Variants in NNT observed in about 807,000 individuals in gnomAD.
NNT encodes NAD(P) transhydrogenase, mitochondrial.
NNT carries 50 observed loss-of-function variants against 104.8 expected under a neutral mutation model. The observed-to-expected ratio is 0.48, with a 90% CI of 0.38 to 0.60. The LOEUF (loss-of-function observed/expected upper bound fraction) is 0.60, where lower values mean the gene tolerates loss of function less well. NNT is among the 20% of genes least tolerant of loss of function. The pLI, the probability that NNT is intolerant of heterozygous loss-of-function variation, is 0.00. For missense variants in NNT, 1,131 were observed against 1,330.7 expected, an observed-to-expected ratio of 0.85 and a Z score of 2.33; for synonymous variants, 461 against 490.4, an observed-to-expected ratio of 0.94 and a Z score of 0.79.
chr5:43,614,890 C>A (rs1005825703), intron 3 of NNT, among the ~76,000 whole-genome samples: 1 of 152,272 alleles, frequency 6.6e-6, no homozygotes, highest in Middle Eastern at 3.4e-3. Flanking sequence ...GTAATCCCAG[C>A]ACTTTGGGAG....
intron 10 of NNT, chr5:43,648,066 C>A: frequency 8.0e-7 from 1 of 1,243,060 alleles, no homozygotes; most frequent in South Asian, 1.3e-5. Flanking sequence ...TATTCTTATT[C>A]ACAACCCTAT....
At chr5:43,625,913 T>C (rs1367109276) in intron 6 of NNT, among the ~76,000 whole-genome samples, 1 of 152,152 alleles carries the variant, frequency 6.6e-6, no homozygotes, top group African/African-American at 2.4e-5. Flanking sequence ...AAAATGTAAT[T>C]TTACTGTTCC....
intron 17 of NNT, among the ~76,000 whole-genome samples, chr5:43,671,166 C>T (rs1000289381): frequency 6.6e-6 from 1 of 152,124 alleles, no homozygotes; most frequent in Non-Finnish European, 1.5e-5. Flanking sequence ...TTATTTTGAG[C>T]CTATGCGTGT....
Position 43,702,645 on chromosome 5 carries a change from GAGCTAATGACACTGTTAATTC to G in NNT, c.3024_3044del (p.Asn1009_Ala1015del). ...GATACTGATTTGGTCCTTGTAATTG[GAGCTAATGACACTGTTAATTC>G]AGCAGCTCAAGAAGATCCCAACTCT... is the stretch of plus-strand genomic sequence containing the variant. On this transcript the variant is annotated inframe_deletion, in exon 21 of 22. Coordinates refer to ENST00000344920, the MANE Select transcript of NNT (RefSeq NM_182977.3). 6.2e-7 allele frequency: 1 copy of G among 1,610,994 alleles called. No homozygotes were observed. Among genetic ancestry groups the G allele is most frequent in the Non-Finnish European group, 8.5e-7 (1 of 1,178,308 alleles).
At chr5:43,693,000 A>G (rs563360367) in intron 19 of NNT, among the ~76,000 whole-genome samples, 1 of 152,060 alleles carries the variant, frequency 6.6e-6, no homozygotes, top group Non-Finnish European at 1.5e-5. Context: ...TCCTCTTTTT[A>G]AAAAAATTTG....
chr5:43,667,228 G>T, intron 17 of NNT: 5 of 1,055,082 alleles, frequency 4.7e-6, no homozygotes, highest in Non-Finnish European at 7.3e-6. Flanking sequence ...CTTGGACTTG[G>T]CCATGTCTGC....
intron 16 of NNT, 61 bp from the exon 17 acceptor site, chr5:43,659,110 A>G: frequency 6.9e-7 from 1 of 1,452,780 alleles, no homozygotes; most frequent in Non-Finnish European, 9.2e-7. Context: ...CAAAATGTTA[A>G]ATGTCAGAGG....
At chr5:43,685,255 C>A (rs2112155121) in intron 19 of NNT, among the ~76,000 whole-genome samples, 1 of 152,184 alleles carries the variant, frequency 6.6e-6, no homozygotes, top group African/African-American at 2.4e-5. Flanking sequence ...AATTTGTCAA[C>A]CTCCTAGAAG....
At chr5:43,667,583 C>G (rs999803874) in intron 17 of NNT, among the ~76,000 whole-genome samples, 1 of 152,206 alleles carries the variant, frequency 6.6e-6, no homozygotes, top group Non-Finnish European at 1.5e-5. Flanking sequence ...CATGTCCCTA[C>G]AAAGGACATG....
intron 1 of NNT, among the ~76,000 whole-genome samples, chr5:43,605,852 A>G (rs564374599): frequency 6.5e-4 from 99 of 152,312 alleles, no homozygotes; most frequent in African/African-American, 2.3e-3. Context: ...GAAATTTTTC[A>G]CAGAAATGGG....
At chr5:43,677,533 C>G (rs1349016393) in intron 18 of NNT, among the ~76,000 whole-genome samples, 192 bp from the exon 19 acceptor site, 1 of 152,022 alleles carries the variant, frequency 6.6e-6, no homozygotes, top group Non-Finnish European at 1.5e-5. Context: ...GAGGAGCAAT[C>G]ATTACATTTT....
chr5:43,652,843 A>G (rs1356604948), intron 13 of NNT, among the ~76,000 whole-genome samples, 175 bp from the exon 14 acceptor site: 1 of 152,194 alleles, frequency 6.6e-6, no homozygotes, highest in African/African-American at 2.4e-5. Context: ...TTTTATGTGT[A>G]TTTGTGCATG....
At chr5:43,696,932 G>A (rs1298729509) in intron 19 of NNT, among the ~76,000 whole-genome samples, 6 of 152,180 alleles carry the variant, frequency 3.9e-5, no homozygotes, top group African/African-American at 1.4e-4. Context: ...AAACTTCTGG[G>A]CCTATAATGG....
intron 7 of NNT, among the ~76,000 whole-genome samples, chr5:43,643,779 C>T (rs1751357941): frequency 6.6e-6 from 1 of 152,202 alleles, no homozygotes; most frequent in Non-Finnish European, 1.5e-5. Context: ...ATTAACTGTA[C>T]TCTTGACATT....
chr5:43,671,153 C>T (rs13153774), intron 17 of NNT, among the ~76,000 whole-genome samples: 7,696 of 152,184 alleles, frequency 0.051, 286 homozygotes, highest in Non-Finnish European at 0.081. Flanking sequence ...TTCCTCCATC[C>T]CTTTATTTTG....
intron 17 of NNT, among the ~76,000 whole-genome samples, chr5:43,660,150 T>G (rs1740280057): frequency 6.6e-6 from 1 of 152,244 alleles, no homozygotes; most frequent in Non-Finnish European, 1.5e-5. Flanking sequence ...TCTTTGTACA[T>G]ATCTTTGACA....
rs928986084 is a variant in NNT at position 43,615,857 on chromosome 5, C to T, written c.391C>T (p.Pro131Ser). The stretch of plus-strand genomic sequence containing the variant: ...TTGATTTTTTCCCCAGGTGCGAGCC[C>T]CTATGGTTAATCCAACATTAGGTGT... ...ASDLVVKVRA[P>S]MVNPTLGVHE... Residue 131 changes from proline (P) to serine (S), a missense_variant, in exon 4 of 22, where the codon CCT (proline) becomes TCT (serine). Pro to Ser is a moderately conservative substitution (Grantham distance 74). Transcript: ENST00000344920. 8.1e-6 allele frequency: 13 copies of T among 1,612,974 alleles called. No individual in the cohort carries two copies. Among genetic ancestry groups the T allele is most frequent in the African/African-American group, 1.3e-5 (1 of 74,792 alleles).
At chr5:43,609,379 C>T in intron 2 of NNT, 33 bp downstream of exon 2, 1 of 1,606,380 alleles carries the variant, frequency 6.2e-7, no homozygotes, top group Non-Finnish European at 8.5e-7. Context: ...GTAAATGAAA[C>T]CTTCAAGTCA....
At chr5:43,610,201 CTTT>C (rs3054076) in intron 2 of NNT, among the ~76,000 whole-genome samples, 145 of 126,104 alleles carry the variant, frequency 1.1e-3, no homozygotes, top group South Asian at 1.4e-3. Context: ...AACTGTCTGT[CTTT>C]TTTTTTTTTT....
Sources: allele counts gnomAD v4.1 joint callset (sites outside exome capture counted in the v4.1 genomes callset), GRCh38; gene constraint gnomAD v4.1.1; transcripts MANE v1.5; gene names NCBI Gene and HGNC (gene_info 2026-07-23, HGNC 2026-07-21).